Variants in ABCC4 observed in about 807,000 individuals in gnomAD.
ABCC4 encodes ATP-binding cassette sub-family C member 4.
Under a neutral mutation model 168.5 loss-of-function variants are expected in ABCC4, and 102 were observed. The observed-to-expected ratio is 0.61, with a 90% CI of 0.52 to 0.71. The LOEUF is 0.71. Among genes scored for constraint, ABCC4 ranks in the 30% least tolerant of loss-of-function variants. ABCC4 has a pLI of 0.00. For synonymous variants in ABCC4, 617 were observed against 590.7 expected (o/e 1.04, Z -0.65); for missense variants, 1,402 against 1,605.8 (o/e 0.87, Z 2.17).
chr13:95,229,219 C>T (rs2039550066), intron 4 of ABCC4, among the ~76,000 whole-genome samples: 1 of 152,148 alleles, frequency 6.6e-6, no homozygotes, highest in South Asian at 2.1e-4. Context: ...ACACTACATA[C>T]ATATATTCCA....
chr13:95,100,942 G>C (rs1190976400), intron 20 of ABCC4, among the ~76,000 whole-genome samples: 2 of 151,968 alleles, frequency 1.3e-5, no homozygotes, highest in Non-Finnish European at 2.9e-5. Context: ...CACTTTCCCT[G>C]ACATCTCTAC....
At chr13:95,191,922 G>A (rs1390158093) in intron 9 of ABCC4, among the ~76,000 whole-genome samples, 4 of 152,238 alleles carry the variant, frequency 2.6e-5, no homozygotes, top group Non-Finnish European at 5.9e-5. Context: ...AGCACTGGTG[G>A]GCTGCAGCCA....
At chr13:95,240,531 AACAC>A (rs56298285) in intron 3 of ABCC4, among the ~76,000 whole-genome samples, 12,109 of 149,484 alleles carry the variant, frequency 0.081, 688 homozygotes, top group East Asian at 0.19. Flanking sequence ...TCCATCTCAA[AACAC>A]ACACACACAC....
At chr13:95,187,818 G>A (rs530770213) in intron 10 of ABCC4, among the ~76,000 whole-genome samples, 2 of 152,074 alleles carry the variant, frequency 1.3e-5, no homozygotes, top group African/African-American at 2.4e-5. Context: ...CTGTACGCAC[G>A]TTTCCTTCAC....
At chr13:95,156,051 C>A (rs2036842679) in intron 19 of ABCC4, among the ~76,000 whole-genome samples, 1 of 152,146 alleles carries the variant, frequency 6.6e-6, no homozygotes, top group Non-Finnish European at 1.5e-5. Flanking sequence ...ATCATACAAG[C>A]AAATCATAAT....
At chr13:95,034,561 C>A (rs1192971118) in intron 30 of ABCC4, 44 bp downstream of exon 30, 31 of 1,596,184 alleles carry the variant, frequency 1.9e-5, no homozygotes, top group Non-Finnish European at 2.6e-5. Context: ...GCGGAGGGAG[C>A]CGCTGAGACA....
At position 95,021,498 on chromosome 13, in the gene ABCC4, A is replaced by T. The variant is rs1041427073; in HGVS notation, c.*77T>A. ...ATAAATATTTGTTGCCAAAGTAAAA[A>T]AAAGTACAATGTGGTTTACATAGTC... On this transcript the variant is annotated 3_prime_UTR_variant, in exon 31 of 31. Transcript: ENST00000645237. 2.0e-6 allele frequency: 2 copies of T among 1,020,384 alleles called. No homozygotes were observed. Among genetic ancestry groups the T allele is most frequent in the African/African-American group, 3.2e-5 (2 of 61,576 alleles). 63.2% of individuals were successfully genotyped at this position (1,020,384 alleles called of 1,614,324 possible).
chr13:95,176,109 C>G (rs1204332336), intron 13 of ABCC4, among the ~76,000 whole-genome samples: 1 of 151,682 alleles, frequency 6.6e-6, no homozygotes, highest in African/African-American at 2.4e-5. Context: ...AAGCCCGGCC[C>G]TCAGTGACCT....
At position 95,244,670 on chromosome 13, in the gene ABCC4, A is replaced by AATCAATC. The variant is rs1555336347; in HGVS notation, c.306+2304_306+2305insGATTGAT. ...GAAAGAAAGAAAGAAAGAAAGAAAGAAATCATAGCAGTTCCTGGTACATAG... is the reference window on the plus strand; with the variant it reads ...GAAAGAAAGAAAGAAAGAAAGAAAGAATCAATCAATCATAGCAGTTCCTGGTACATAG... On this transcript the variant is annotated intron_variant, in intron 3 of 30. Coordinates refer to ENST00000645237, the MANE Select transcript of ABCC4 (RefSeq NM_005845.5). Among the ~76,000 whole-genome samples the AATCAATC allele has an allele frequency of 5.7e-4, 61 of 106,448 alleles. 3 individuals carry two copies. Among genetic ancestry groups the AATCAATC allele is most frequent in the Non-Finnish European group, 7.6e-4 (37 of 48,714 alleles). 69.8% of individuals were successfully genotyped at this position (106,448 alleles called of 152,430 possible).
intron 1 of ABCC4, among the ~76,000 whole-genome samples, chr13:95,256,940 G>A (rs1386246088): frequency 2.6e-5 from 4 of 152,040 alleles, no homozygotes; most frequent in South Asian, 2.1e-4. Flanking sequence ...TTAACAAAGC[G>A]AGCATCTGAA....
At chr13:95,050,972 G>A (rs1399255080) in intron 27 of ABCC4, among the ~76,000 whole-genome samples, 1 of 152,218 alleles carries the variant, frequency 6.6e-6, no homozygotes, top group African/African-American at 2.4e-5. Context: ...CTTTTAGGGT[G>A]TGTCACAATT....
Position 95,178,044 on chromosome 13 carries a change from C to A in ABCC4, c.1593G>T (p.Arg531=), listed in dbSNP as rs755134953. Residue 531 remains arginine, a synonymous_variant, in exon 12 of 31, where the codon CGG becomes CGT. Transcript: ENST00000645237. ...EDGDLTVIGD[R]GTTLSGGQKA... is the part of the protein sequence containing the mutation. The stretch of plus-strand genomic sequence containing the variant: ...TCTGCCCTCCACTCAGCGTGGTTCC[C>A]CGATCTCCTATCACAGTCAGATCAC... 1 of 1,614,190 alleles carries A rather than the reference C, an allele frequency of 6.2e-7. No homozygotes were observed. The highest frequency in any genetic ancestry group is 1.1e-5 in the South Asian group (1 of 91,082).
In ABCC4 at chr13:95,052,785, A is replaced by T. The variant is rs568329910; in HGVS notation, c.3456+310T>A. 3.9e-5 allele frequency among the ~76,000 whole-genome samples: 6 copies of T among 152,376 alleles called. No individual in the cohort carries two copies. The South Asian group carries it at 6.2e-4, about 16-fold the overall frequency. The stretch of plus-strand genomic sequence containing the variant: ...TAAAATAAATGGTGCAGAGTAACTT[A>T]GTCACTAATAGGATCTCAACTCATA... On this transcript the variant is annotated intron_variant, in intron 27 of 30. Coordinates refer to ENST00000645237, the MANE Select transcript of ABCC4 (RefSeq NM_005845.5).
chr13:95,256,985 G>T (rs943274255), intron 1 of ABCC4, among the ~76,000 whole-genome samples: 1 of 152,186 alleles, frequency 6.6e-6, no homozygotes, highest in Non-Finnish European at 1.5e-5. Context: ...AAGAAGCACA[G>T]AGAATAATAT....
intron 8 of ABCC4, 101 bp downstream of exon 8, chr13:95,206,431 A>G: frequency 6.7e-7 from 1 of 1,487,768 alleles, no homozygotes; most frequent in Non-Finnish European, 9.2e-7. Flanking sequence ...GTTATGAGAG[A>G]GTTAAATGTC....
intron 1 of ABCC4, among the ~76,000 whole-genome samples, chr13:95,283,360 GGTTTTTTTTTTT>G (rs974674796): frequency 8.0e-6 from 1 of 124,612 alleles, no homozygotes; most frequent in African/African-American, 3.0e-5. Context: ...GTTTTTCTGT[GGTTTTTTTTTTT>G]TTTTTTTTTT....
intron 3 of ABCC4, among the ~76,000 whole-genome samples, chr13:95,246,030 A>T (rs1338457985): frequency 6.6e-6 from 1 of 152,082 alleles, no homozygotes; most frequent in African/African-American, 2.4e-5. Context: ...CAAGTCACCC[A>T]GCAGGACCCT....
intron 8 of ABCC4, among the ~76,000 whole-genome samples, chr13:95,201,017 A>G (rs2038609720): frequency 6.6e-6 from 1 of 152,168 alleles, no homozygotes; most frequent in African/African-American, 2.4e-5. Flanking sequence ...ATGCCTGGCC[A>G]TTTGTTTCTC....
intron 4 of ABCC4, among the ~76,000 whole-genome samples, chr13:95,228,320 G>A (rs543632638): frequency 1.3e-5 from 2 of 152,016 alleles, no homozygotes; most frequent in Admixed American, 6.6e-5. Flanking sequence ...TGCATAGGGC[G>A]GCAGACATGA....
Sources: allele counts gnomAD v4.1 joint callset (sites outside exome capture counted in the v4.1 genomes callset), GRCh38; gene constraint gnomAD v4.1.1; transcripts MANE v1.5; gene names NCBI Gene and HGNC (gene_info 2026-07-23, HGNC 2026-07-21).